Variants in SDCCAG8 observed in about 807,000 individuals in gnomAD.
SDCCAG8 encodes the protein SHH signaling and ciliogenesis regulator SDCCAG8, also known as serologically defined colon cancer antigen 8.
A neutral mutation model predicts 101.8 loss-of-function variants in SDCCAG8; 74 were observed. The observed-to-expected ratio is 0.73, with a 90% confidence interval of 0.60 to 0.88. SDCCAG8 has a LOEUF of 0.88. Ranked by LOEUF, SDCCAG8 falls within the 40% of genes least tolerant of loss-of-function variation. The pLI is 0.00. For missense variants in SDCCAG8, 787 were observed against 822.6 expected (o/e 0.96, Z 0.53); for synonymous variants, 281 against 292.9 (o/e 0.96, Z 0.41).
chr1:243,401,734 CA>C (rs200088256), intron 13 of SDCCAG8, among the ~76,000 whole-genome samples: 1,845 of 129,156 alleles, frequency 0.014, 41 homozygotes, highest in African/African-American at 0.04. Context: ...ATCTGATTTA[CA>C]AAAAAAAAAA....
Position 243,308,076 on chromosome 1 carries a change from T to A in SDCCAG8, c.828T>A (p.Cys276Ter). The change falls in exon 8 of 18, where the codon TGT (cysteine) becomes TGA (stop). Residue 276 changes from cysteine (C) to a stop codon, truncating the protein, a stop_gained. Coordinates refer to ENST00000366541, the MANE Select transcript of SDCCAG8 (RefSeq NM_006642.5). LOFTEE classifies it high-confidence loss of function. ...HKEFLLAANT[C>*]NRVGGLCLKC... is the part of the protein sequence containing the mutation. ...AATTTCTTCTGGCTGCTAATACTTG[T>A]AACCGTGTTGGTGGTCTTTGTTTGA... 6.2e-7 allele frequency: 1 copy of A among 1,614,210 alleles called. No homozygotes were observed. Among genetic ancestry groups the A allele is most frequent in the Non-Finnish European group, 8.5e-7 (1 of 1,180,018 alleles).
intron 6 of SDCCAG8, among the ~76,000 whole-genome samples, chr1:243,295,028 C>T (rs1029908405): frequency 2.6e-5 from 4 of 152,032 alleles, no homozygotes; most frequent in Non-Finnish European, 5.9e-5. Context: ...GTCCCTAATC[C>T]AAGCTTCATT....
At chr1:243,429,217 A>G (rs1186980387) in intron 16 of SDCCAG8, among the ~76,000 whole-genome samples, 2 of 152,252 alleles carry the variant, frequency 1.3e-5, no homozygotes, top group African/African-American at 2.4e-5. Flanking sequence ...GCATCAATAT[A>G]TAACAGTACA....
At chr1:243,391,424 G>A (rs189762777) in intron 13 of SDCCAG8, among the ~76,000 whole-genome samples, 26 of 152,306 alleles carry the variant, frequency 1.7e-4, no homozygotes, top group Non-Finnish European at 3.2e-4. Flanking sequence ...CGGGAGATGA[G>A]AGTAGGCACC....
At chr1:243,284,673 C>T (rs1487565070) in intron 4 of SDCCAG8, among the ~76,000 whole-genome samples, 1 of 152,130 alleles carries the variant, frequency 6.6e-6, no homozygotes, top group African/African-American at 2.4e-5. Context: ...CAGCAGCCCT[C>T]CAGTCAGTTA....
intron 16 of SDCCAG8, among the ~76,000 whole-genome samples, chr1:243,448,438 C>T (rs2083096562): frequency 1.3e-5 from 2 of 152,170 alleles, no homozygotes; most frequent in Admixed American, 6.5e-5. Context: ...TACATACATA[C>T]ATTCTTCAGA....
intron 13 of SDCCAG8, among the ~76,000 whole-genome samples, chr1:243,386,486 G>C (rs1447424452): frequency 6.6e-6 from 1 of 152,146 alleles, no homozygotes; most frequent in Non-Finnish European, 1.5e-5. Context: ...CAGATCGCGA[G>C]AGGTCAGGAG....
chr1:243,458,999 A>C lies in SDCCAG8; in HGVS notation c.1986-30015A>C, dbSNP rs1658433644. On this transcript the variant is annotated intron_variant, in intron 16 of 17. Transcript: ENST00000366541. This position sits in a 1 kb window ranked among gnomAD's most constrained non-coding sequence, Gnocchi z 4.5. ...GATAGTAAAATATTACCAGTTTCAA[A>C]TGTGTTTATGTTACCTTAAATTTGA... Among the ~76,000 whole-genome samples the C allele has an allele frequency of 6.6e-6, 1 of 152,214 alleles. No homozygotes were observed. Among genetic ancestry groups the C allele is most frequent in the African/African-American group, 2.4e-5 (1 of 41,450 alleles).
chr1:243,434,024 A>G (rs1028791920), intron 16 of SDCCAG8, among the ~76,000 whole-genome samples: 2 of 152,226 alleles, frequency 1.3e-5, no homozygotes, highest in African/African-American at 2.4e-5. Context: ...CTAGGTTATC[A>G]GCGTTGTTCT....
intron 1 of SDCCAG8, among the ~76,000 whole-genome samples, chr1:243,261,561 G>A (rs764191511): frequency 6.6e-6 from 1 of 152,218 alleles, no homozygotes; most frequent in Non-Finnish European, 1.5e-5. Flanking sequence ...GCTCACAATT[G>A]TAGAAGGGCT....
intron 12 of SDCCAG8, among the ~76,000 whole-genome samples, chr1:243,370,305 A>G (rs1216947209): frequency 6.6e-6 from 1 of 152,132 alleles, no homozygotes; most frequent in African/African-American, 2.4e-5. Context: ...AAAAGGCCCT[A>G]TATTATTTTA....
At chr1:243,427,505 TAGC>T (rs1292359111) in intron 16 of SDCCAG8, among the ~76,000 whole-genome samples, 1 of 152,216 alleles carries the variant, frequency 6.6e-6, no homozygotes, top group Non-Finnish European at 1.5e-5. Flanking sequence ...TGCACGATGA[TAGC>T]AGCCACCCTT....
chr1:243,497,347 G>C (rs900126349), intron 17 of SDCCAG8, among the ~76,000 whole-genome samples: 1 of 137,038 alleles, frequency 7.3e-6, no homozygotes, highest in Non-Finnish European at 1.6e-5. Context: ...TGGGGGGGGG[G>C]GCGTTGAGCA....
chr1:243,382,119 G>C (rs2077995249), intron 13 of SDCCAG8, among the ~76,000 whole-genome samples: 1 of 152,218 alleles, frequency 6.6e-6, no homozygotes, highest in Non-Finnish European at 1.5e-5. Flanking sequence ...TGTTTGGTAG[G>C]AGATAAGACT....
chr1:243,385,092 G>A (rs2078192291), intron 13 of SDCCAG8, among the ~76,000 whole-genome samples: 1 of 152,032 alleles, frequency 6.6e-6, no homozygotes, highest in Non-Finnish European at 1.5e-5. Context: ...GGGAAGAGAA[G>A]AAAATACATG....
intron 10 of SDCCAG8, among the ~76,000 whole-genome samples, chr1:243,340,365 C>T (rs138794128): frequency 6.6e-6 from 1 of 152,288 alleles, no homozygotes; most frequent in East Asian, 1.9e-4. Context: ...ATGACTGTCT[C>T]AGTGCACACA....
rs397830130 is a variant in SDCCAG8 at position 243,447,248 on chromosome 1, C to CAAAAA, written c.1985+20714_1985+20718dup. 3.4e-4 allele frequency among the ~76,000 whole-genome samples: 14 copies of CAAAAA among 41,388 alleles called. 1 individual carries two copies. Among genetic ancestry groups the CAAAAA allele is most frequent in the East Asian group, 1.6e-3 (2 of 1,282 alleles). The allele number at this position is 41,388 out of a possible 152,430, so 27.2% of individuals were successfully genotyped here. ...TGGGTGACAGAACAAGACTTCGTCT[C>CAAAAA]AAAAAAAAAAAAAAAAAAAAAAAAA... On this transcript the variant is annotated intron_variant, in intron 16 of 17. Transcript: ENST00000366541.
intron 16 of SDCCAG8, among the ~76,000 whole-genome samples, chr1:243,449,633 C>T (rs1396729784): frequency 1.3e-5 from 2 of 152,130 alleles, no homozygotes; most frequent in Non-Finnish European, 2.9e-5. Context: ...TTTTTGTGAC[C>T]GACGTCTGGA....
At chr1:243,315,286 T>C (rs1311101009) in intron 8 of SDCCAG8, among the ~76,000 whole-genome samples, 2 of 152,184 alleles carry the variant, frequency 1.3e-5, no homozygotes, top group East Asian at 1.9e-4. Context: ...TAGACACATA[T>C]TCAATTTTGC....
Sources: allele counts gnomAD v4.1 joint callset (sites outside exome capture counted in the v4.1 genomes callset), GRCh38; gene constraint gnomAD v4.1.1; non-coding constraint Gnocchi (gnomAD v3.1); transcripts MANE v1.5; gene names NCBI Gene and HGNC (gene_info 2026-07-23, HGNC 2026-07-21).